HSPA5: variants seen among roughly 807,000 people sequenced by gnomAD.
The protein encoded by HSPA5 is endoplasmic reticulum chaperone BiP.
A neutral mutation model predicts 49.5 loss-of-function variants in HSPA5; 16 were observed. That is an observed-to-expected ratio of 0.32 (90% CI 0.22 to 0.49). HSPA5 has a LOEUF of 0.49. Among genes scored for constraint, HSPA5 ranks in the 20% least tolerant of loss-of-function variants. The pLI, the probability that HSPA5 is intolerant of heterozygous loss-of-function variation, is 0.99. For missense variants in HSPA5, 376 were observed against 819.0 expected (o/e 0.46, Z 6.60); for synonymous variants, 271 against 307.2 (o/e 0.88, Z 1.23).
chr9:125,240,093 A>G lies in HSPA5; in HGVS notation c.492+79T>C. 1 of 1,178,272 alleles carries G rather than the reference A, an allele frequency of 8.5e-7. No individual in the cohort carries two copies. The highest frequency in any genetic ancestry group is 2.5e-5 in the Admixed American group (1 of 40,062). 73.0% of individuals were successfully genotyped at this position (1,178,272 alleles called of 1,614,324 possible). A position where few individuals can be genotyped will look rare whatever the true frequency, so the allele number is the denominator to read the frequency against. On this transcript the variant is annotated intron_variant, in intron 3 of 7. Transcript: ENST00000324460. This position sits in a 1 kb window ranked among gnomAD's most constrained non-coding sequence, Gnocchi z 4.4. ...CTGATTAAAATTTTTGAAACCCTTC[A>G]CGAAGGCTTCTATACATAACAGCCA...
At position 125,240,165 on chromosome 9, in the gene HSPA5, T is replaced by C. The variant is rs372328947; in HGVS notation, c.492+7A>G. 8.2e-6 allele frequency: 13 copies of C among 1,590,416 alleles called. No homozygotes were observed. The African/African-American group carries it at 1.2e-4, about 15-fold the overall frequency. ...AAAATACTTAACATTGTTCTAGAAA[T>C]ATTTACCTTCTTTCCCAAATAAGCC... On this transcript the variant is annotated splice_region_variant and intron_variant, in intron 3 of 7. Transcript: ENST00000324460. The surrounding 1 kb of genome is among the most constrained non-coding windows in gnomAD (Gnocchi z 4.4).
At position 125,240,928 on chromosome 9, in the gene HSPA5, A is replaced by AG. The variant is rs1429343653; in HGVS notation, c.123-22dup. 1 of 1,613,404 alleles carries AG rather than the reference A, an allele frequency of 6.2e-7. No individual in the cohort carries two copies. Among genetic ancestry groups the AG allele is most frequent in the African/African-American group, 1.3e-5 (1 of 74,944 alleles). ...CGACGCTGGCAGAAAAACCCGACAGAGGGACATCAGCACCGCACTTCTCAC... is the reference window on the plus strand; with the variant it reads ...CGACGCTGGCAGAAAAACCCGACAGAGGGGACATCAGCACCGCACTTCTCAC... On this transcript the variant is annotated intron_variant, in intron 1 of 7. Transcript: ENST00000324460. The surrounding 1 kb of genome is among the most constrained non-coding windows in gnomAD (Gnocchi z 4.4).
At position 125,239,572 on chromosome 9, in the gene HSPA5, G is replaced by T; in HGVS notation, c.493-39C>A. 1 of 1,487,252 alleles carries T rather than the reference G, an allele frequency of 6.7e-7. No homozygotes were observed. 92.1% of individuals were successfully genotyped at this position (1,487,252 alleles called of 1,614,324 possible). A position where few individuals can be genotyped will look rare whatever the true frequency, so the allele number is the denominator to read the frequency against. ...AGATAATTAAGTGTATTGTCACATA[G>T]TTTAACCCTTATTTAAATTACAGTC... On this transcript the variant is annotated intron_variant, in intron 3 of 7. Coordinates refer to ENST00000324460, the MANE Select transcript of HSPA5 (RefSeq NM_005347.5). The surrounding 1 kb of genome is among the most constrained non-coding windows in gnomAD (Gnocchi z 5.5).
rs1222802309 is a variant in HSPA5, at chr9:125,240,965, C to G, written c.122+40G>C. 6 of 1,610,914 alleles carry G rather than the reference C, an allele frequency of 3.7e-6. No homozygotes were observed. In the South Asian group the frequency reaches 6.6e-5, roughly 18 times the overall value. On this transcript the variant is annotated intron_variant, in intron 1 of 7. Coordinates refer to ENST00000324460, the MANE Select transcript of HSPA5 (RefSeq NM_005347.5). This position sits in a 1 kb window ranked among gnomAD's most constrained non-coding sequence, Gnocchi z 4.4. Reference sequence around the variant, plus strand: ...ACCGCACTTCTCACGCCAGGCCAGGCGGCCACGCCCCGTCCCCCTGCATCC... The same window carrying G: ...ACCGCACTTCTCACGCCAGGCCAGGGGGCCACGCCCCGTCCCCCTGCATCC...
In HSPA5 at chr9:125,240,416, G is replaced by A. The variant is rs891948024; in HGVS notation, c.355-107C>T. ...TGGTTTATTTTGGTCCCTTGGGGCT[G>A]CAAATTGACTAGAAATACTTCAGGG... On this transcript the variant is annotated intron_variant, in intron 2 of 7. Transcript: ENST00000324460. The surrounding 1 kb of genome is among the most constrained non-coding windows in gnomAD (Gnocchi z 4.4). The A allele has an allele frequency of 5.1e-6, 5 of 971,136 alleles. No homozygotes were observed. Among genetic ancestry groups the A allele is most frequent in the South Asian group, 1.6e-5 (1 of 60,928 alleles). 60.2% of individuals were successfully genotyped at this position (971,136 alleles called of 1,614,324 possible). A position where few individuals can be genotyped will look rare whatever the true frequency, so the allele number is the denominator to read the frequency against.
intron 7 of HSPA5, 44 bp downstream of exon 7, chr9:125,238,097 A>C: frequency 6.6e-7 from 1 of 1,508,038 alleles, no homozygotes; most frequent in Non-Finnish European, 9.2e-7. Context: ...GCAAGACTTC[A>C]TCTCAAAAAA....
In HSPA5 at chr9:125,238,205, C is replaced by T. The variant is rs1407416588; in HGVS notation, c.1338G>A (p.Lys446=). 9.3e-6 allele frequency: 15 copies of T among 1,613,956 alleles called. No homozygotes were observed. Among genetic ancestry groups the T allele is most frequent in the Non-Finnish European group, 1.2e-5 (14 of 1,179,926 alleles). ...LIPRNTVVPT[K]KSQIFSTASD... is the part of the protein sequence containing the mutation. Reference sequence around the variant, plus strand: ...AAGCTGTAGAAAAGATCTGAGACTTCTTGGTAGGCACCACTGTGTTCCTTG... The same window carrying T: ...AAGCTGTAGAAAAGATCTGAGACTTTTTGGTAGGCACCACTGTGTTCCTTG... The change falls in exon 7 of 8, where the codon AAG becomes AAA. Residue 446 remains lysine, a synonymous_variant. Coordinates refer to ENST00000324460, the MANE Select transcript of HSPA5 (RefSeq NM_005347.5).
rs191957514 is a variant in HSPA5, at chr9:125,236,937, C to T, written c.1620G>A (p.Arg540=). Residue 540 remains arginine (R), a synonymous_variant, in exon 8 of 8, where the codon AGG becomes AGA. Coordinates refer to ENST00000324460, the MANE Select transcript of HSPA5 (RefSeq NM_005347.5). ...CAAACTTCTCAGCATCATTAACCAT[C>T]CTTTCGATTTCTTCAGGTGTCAGGC... ...QNRLTPEEIE[R]MVNDAEKFAE... 8 of 1,613,984 alleles carry T rather than the reference C, an allele frequency of 5.0e-6. No homozygotes were observed. The highest frequency in any genetic ancestry group is 6.8e-6 in the Non-Finnish European group (8 of 1,179,872).
In HSPA5 at chr9:125,240,874, G is replaced by A. The variant is rs1330400103; in HGVS notation, c.156C>T (p.Ile52=). 1 of 1,614,228 alleles carries A rather than the reference G, an allele frequency of 6.2e-7. No homozygotes were observed. The highest frequency in any genetic ancestry group is 8.5e-7 in the Non-Finnish European group (1 of 1,180,030). The change falls in exon 2 of 8, where the codon ATC becomes ATT. Residue 52 remains isoleucine, a synonymous_variant. Transcript: ENST00000324460. This position sits in a 1 kb window ranked among gnomAD's most constrained non-coding sequence, Gnocchi z 4.4. ...VGVFKNGRVE[I]IANDQGNRIT... is the part of the protein sequence containing the mutation. ...TGCGGTTGCCCTGATCGTTGGCGATGATCTCCACGCGGCCGTTCTTGAACA... is the reference window on the plus strand; with the variant it reads ...TGCGGTTGCCCTGATCGTTGGCGATAATCTCCACGCGGCCGTTCTTGAACA...
rs1288121247 is a variant in HSPA5 at position 125,236,509 on chromosome 9, G to A, written c.*83C>T. On this transcript the variant is annotated 3_prime_UTR_variant, in exon 8 of 8. Transcript: ENST00000324460. ...TGAGGTGAAGATTCCAATTACATTCGAGACTTAAGTTCTTTCAATTTTTTC... is the reference window on the plus strand; with the variant it reads ...TGAGGTGAAGATTCCAATTACATTCAAGACTTAAGTTCTTTCAATTTTTTC... The A allele has an allele frequency of 6.1e-6, 6 of 977,446 alleles. No individual in the cohort carries two copies. Among genetic ancestry groups the A allele is most frequent in the South Asian group, 5.1e-5 (3 of 58,532 alleles). 60.5% of individuals were successfully genotyped at this position (977,446 alleles called of 1,614,324 possible). A position where few individuals can be genotyped will look rare whatever the true frequency, so the allele number is the denominator to read the frequency against.
chr9:125,239,328 C>T lies in HSPA5; in HGVS notation c.609G>A (p.Thr203=), dbSNP rs770347915. The T allele has an allele frequency of 1.8e-5, 29 of 1,611,850 alleles. No homozygotes were observed. Among genetic ancestry groups the T allele is most frequent in the African/African-American group, 2.7e-5 (2 of 74,858 alleles). ...LNVMRIINEP[T]AAAIAYGLDK... ...CCAGGCCATAAGCAATAGCAGCTGC[C>T]GTACTATTAGATTGAAAAAGGGAAA... is the stretch of plus-strand genomic sequence containing the variant. The change falls in exon 5 of 8, where the codon ACG becomes ACA. Residue 203 remains threonine (T), a synonymous_variant. Coordinates refer to ENST00000324460, the MANE Select transcript of HSPA5 (RefSeq NM_005347.5). This position sits in a 1 kb window ranked among gnomAD's most constrained non-coding sequence, Gnocchi z 5.5.
chr9:125,236,712 G>A lies in HSPA5; in HGVS notation c.1845C>T (p.Asp615=), dbSNP rs1469224144. The A allele has an allele frequency of 6.2e-7, 1 of 1,613,804 alleles. No individual in the cohort carries two copies. The highest frequency in any genetic ancestry group is 8.5e-7 in the Non-Finnish European group (1 of 1,179,768). Residue 615 remains aspartate (D), a synonymous_variant, in exon 8 of 8, where the codon GAC becomes GAT. Transcript: ENST00000324460. ...CCAGTTCCTTCTTCTTAGCTTTGAA[G>A]TCTTCAATGTCAGCATCTTGGTGGC... ...LESHQDADIE[D]FKAKKKELEE... is the part of the protein sequence containing the mutation.
rs1588430955 is a variant in HSPA5 at position 125,239,293 on chromosome 9, T to G, written c.644A>C (p.Glu215Ala). The change falls in exon 5 of 8, where the codon GAG (glutamate) becomes GCG (alanine). Residue 215 changes from glutamate to alanine, a missense_variant. Glu to Ala is a moderately radical substitution (Grantham distance 107, BLOSUM62 -1). Coordinates refer to ENST00000324460, the MANE Select transcript of HSPA5 (RefSeq NM_005347.5). This position sits in a 1 kb window ranked among gnomAD's most constrained non-coding sequence, Gnocchi z 5.5. ...AAACACCAGGATGTTCTTCTCCCCC[T>G]CCCTCTTATCCAGGCCATAAGCAAT... ...AAIAYGLDKR[E>A]GEKNILVFDL... 1.2e-6 allele frequency: 2 copies of G among 1,613,454 alleles called. No individual in the cohort carries two copies. The highest frequency in any genetic ancestry group is 4.5e-5 in the East Asian group (2 of 44,854).
At position 125,238,167 on chromosome 9, in the gene HSPA5, G is replaced by T; in HGVS notation, c.1376C>A (p.Pro459Gln). ...QIFSTASDNQ[P>Q]TVTIKVYEGE... ...TTCATAGACCTTGATTGTAACAGTT[G>T]GTTGATTATCAGAAGCTGTAGAAAA... Residue 459 changes from proline (P) to glutamine (Q), a missense_variant, in exon 7 of 8, where the codon CCA (proline) becomes CAA (glutamine). Transcript: ENST00000324460. The T allele has an allele frequency of 6.2e-7, 1 of 1,613,624 alleles. No homozygotes were observed. The highest frequency in any genetic ancestry group is 2.2e-5 in the East Asian group (1 of 44,886).
At position 125,240,733 on chromosome 9, in the gene HSPA5, G is replaced by A. The variant is rs1211390286; in HGVS notation, c.297C>T (p.Ile99=). ...CAGACGGGTCATTCCACGTGCGGCC[G>A]ATGAGCCGCTTGGCGTCAAAGACCG... is the stretch of plus-strand genomic sequence containing the variant. The part of the protein sequence containing the change: ...ENTVFDAKRL[I]GRTWNDPSVQ... Residue 99 remains isoleucine (I), a synonymous_variant, in exon 2 of 8, where the codon ATC becomes ATT. Transcript: ENST00000324460. The surrounding 1 kb of genome is among the most constrained non-coding windows in gnomAD (Gnocchi z 4.4). 6.2e-7 allele frequency: 1 copy of A among 1,614,176 alleles called. No individual in the cohort carries two copies. The highest frequency in any genetic ancestry group is 8.5e-7 in the Non-Finnish European group (1 of 1,180,014).
Position 125,240,445 on chromosome 9 carries a change from A to ATC in HSPA5, c.355-137_355-136insGA. The ATC allele has an allele frequency of 1.3e-6, 1 of 792,720 alleles. No individual in the cohort carries two copies. The highest frequency in any genetic ancestry group is 2.0e-6 in the Non-Finnish European group (1 of 496,392). 49.1% of individuals were successfully genotyped at this position (792,720 alleles called of 1,614,324 possible). On this transcript the variant is annotated intron_variant, in intron 2 of 7. Coordinates refer to ENST00000324460, the MANE Select transcript of HSPA5 (RefSeq NM_005347.5). The surrounding 1 kb of genome is among the most constrained non-coding windows in gnomAD (Gnocchi z 4.4). ...ATTGACTAGAAATACTTCAGGGAGT[A>ATC]TAGGTGTCTTACAAAGTTCAGTTTT...
Position 125,237,029 on chromosome 9 carries a change from G to A in HSPA5, c.1528C>T (p.Arg510Ter). 6.2e-7 allele frequency: 1 copy of A among 1,613,748 alleles called. No individual in the cohort carries two copies. The highest frequency in any genetic ancestry group is 8.5e-7 in the Non-Finnish European group (1 of 1,179,762). Residue 510 changes from arginine to a stop codon, truncating the protein, a stop_gained, in exon 8 of 8, where the codon CGA (arginine) becomes TGA (stop). Transcript: ENST00000324460. LOFTEE classifies it high-confidence loss of function. Reference protein sequence around the residue: ...TFEIDVNGILRVTAEDKGTGN... With the variant: ...TFEIDVNGIL The stretch of plus-strand genomic sequence containing the variant: ...GTACCCTTGTCTTCAGCTGTCACTC[G>A]AAGAATACCATTCACATCTATCTCA...
At chr9:125,238,901 A>G in intron 5 of HSPA5, 40 bp downstream of exon 5, 2 of 1,605,094 alleles carry the variant, frequency 1.2e-6, no homozygotes, top group Non-Finnish European at 1.7e-6. Flanking sequence ...TTCAGAGTCT[A>G]AGGAGATCTC....
intron 7 of HSPA5, 129 bp downstream of exon 7, chr9:125,238,012 G>C: frequency 1.5e-6 from 1 of 679,524 alleles, no homozygotes; most frequent in Non-Finnish European, 2.5e-6. Flanking sequence ...TGAGGCAGGA[G>C]AATCACTTGA....
Sources: gnomAD v4.1 joint callset for allele counts on GRCh38, gnomAD v4.1.1 for gene constraint, Gnocchi (gnomAD v3.1) non-coding constraint, MANE v1.5 for transcripts, NCBI Gene and HGNC (gene_info 2026-07-23, HGNC 2026-07-21) for gene names.